Variants in SLC14A2 observed in about 807,000 individuals in gnomAD.
The protein encoded by SLC14A2 is solute carrier family 14 member 2, also known as urea transporter 2.
In SLC14A2, 91 loss-of-function variants were observed where a neutral mutation model predicts 104.6. The observed-to-expected ratio is 0.87, with a 90% CI of 0.73 to 1.04. The LOEUF (loss-of-function observed/expected upper bound fraction) is 1.04. Among genes scored for constraint, SLC14A2 ranks in the 50% least tolerant of loss-of-function variants. The pLI, the probability that SLC14A2 is intolerant of heterozygous loss-of-function variation, is 0.00. For missense variants in SLC14A2, 1,189 were observed against 1,156.0 expected, an observed-to-expected ratio of 1.03 and a Z score of -0.41; for synonymous variants, 476 against 466.4, an observed-to-expected ratio of 1.02 and a Z score of -0.27.
intron 1 of SLC14A2, among the ~76,000 whole-genome samples, chr18:45,389,327 A>G (rs940392135): frequency 6.6e-6 from 1 of 152,212 alleles, no homozygotes; most frequent in African/African-American, 2.4e-5. Flanking sequence ...AATATGGACT[A>G]CAGAATCCAT....
intron 1 of SLC14A2, among the ~76,000 whole-genome samples, chr18:45,339,205 C>T (rs1332035833): frequency 1.3e-5 from 2 of 152,136 alleles, no homozygotes; most frequent in African/African-American, 4.8e-5. Flanking sequence ...CTCAGGTGAT[C>T]TGCCCACCTC....
At chr18:45,608,419 G>T (rs1047094015) in intron 2 of SLC14A2, among the ~76,000 whole-genome samples, 1 of 152,200 alleles carries the variant, frequency 6.6e-6, no homozygotes, top group African/African-American at 2.4e-5. Flanking sequence ...GGATTAGGAG[G>T]ATTCTGTGCC....
intron 1 of SLC14A2, among the ~76,000 whole-genome samples, chr18:45,242,361 T>C (rs539972413): frequency 1.3e-5 from 2 of 152,284 alleles, no homozygotes; most frequent in East Asian, 3.9e-4. Flanking sequence ...AATTCAATAA[T>C]GTCACGTCAG....
intron 1 of SLC14A2, among the ~76,000 whole-genome samples, chr18:45,298,211 T>C (rs1441583725): frequency 6.6e-6 from 1 of 152,154 alleles, no homozygotes; most frequent in Non-Finnish European, 1.5e-5. Flanking sequence ...TTTAGGAAAA[T>C]GTGTTCCAGA....
At chr18:45,446,589 A>G (rs765214607) in intron 1 of SLC14A2, among the ~76,000 whole-genome samples, 3 of 152,370 alleles carry the variant, frequency 2.0e-5, no homozygotes, top group Admixed American at 2.0e-4. Flanking sequence ...CAATACAAAC[A>G]TGAAAAGCAG....
chr18:45,338,699 A>C (rs867480161), intron 1 of SLC14A2, among the ~76,000 whole-genome samples: 17,614 of 149,540 alleles, frequency 0.12, 1,464 homozygotes, highest in South Asian at 0.15. Flanking sequence ...AAAAAAAAAA[A>C]AAAAAAAAAA....
chr18:45,618,669 C>CAAAAAAA (rs60728655), intron 1 of SLC14A2, among the ~76,000 whole-genome samples: 6 of 50,690 alleles, frequency 1.2e-4, no homozygotes, highest in East Asian at 6.9e-4. Context: ...AACTCTGTCT[C>CAAAAAAA]AAAAAAAAAA....
At chr18:45,215,044 A>G (rs1310397412) in intron 1 of SLC14A2, among the ~76,000 whole-genome samples, 1 of 152,044 alleles carries the variant, frequency 6.6e-6, no homozygotes, top group Admixed American at 6.6e-5. Context: ...TGAGGACTGG[A>G]TGGTCAGGGA....
At chr18:45,250,416 C>T (rs1455002195) in intron 1 of SLC14A2, among the ~76,000 whole-genome samples, 3 of 151,974 alleles carry the variant, frequency 2.0e-5, no homozygotes, top group Non-Finnish European at 4.4e-5. Flanking sequence ...CTAATTCTTC[C>T]CCCCCTTATT....
chr18:45,609,770 T>C (rs888414170), intron 2 of SLC14A2, among the ~76,000 whole-genome samples: 2 of 152,230 alleles, frequency 1.3e-5, no homozygotes, highest in Non-Finnish European at 2.9e-5. Flanking sequence ...ACACTTTTAT[T>C]TCTGAAATTG....
chr18:45,583,039 G>T (rs1388091116), intron 2 of SLC14A2, among the ~76,000 whole-genome samples: 2 of 152,238 alleles, frequency 1.3e-5, no homozygotes, highest in Admixed American at 1.3e-4. Context: ...TTCAAGGTTA[G>T]ATGTTCTACA....
chr18:45,184,034 A>T, the SLC14A2 span, among the ~76,000 whole-genome samples: 1 of 144,032 alleles, frequency 6.9e-6, no homozygotes, highest in Admixed American at 7.4e-5. Context: ...GATTACAGGC[A>T]TGAGCCACCA....
At chr18:45,507,826 C>T (rs935970878) in intron 2 of SLC14A2, among the ~76,000 whole-genome samples, 3 of 152,302 alleles carry the variant, frequency 2.0e-5, no homozygotes, top group South Asian at 2.1e-4. Context: ...ATCAGACTCT[C>T]TTTGCTTACT....
chr18:45,527,327 G>C (rs1438592092), intron 2 of SLC14A2, among the ~76,000 whole-genome samples: 1 of 152,174 alleles, frequency 6.6e-6, no homozygotes, highest in East Asian at 1.9e-4. Context: ...ATGATTAGGA[G>C]TAAAGTTGCC....
rs146433297 is a variant in SLC14A2, at chr18:45,608,132, T to C, written c.-34-16499T>C. On this transcript the variant is annotated intron_variant, in intron 2 of 20. Transcript: ENST00000586448. ...TGAATCCCCTGTGACTGGTACATAA[T>C]AGGTGCTCACCAAATGCTTTTGAAT... Among the ~76,000 whole-genome samples, 806 of 152,374 alleles carry C rather than the reference T, an allele frequency of 5.3e-3. 8 individuals are homozygous for C. The highest frequency in any genetic ancestry group is 0.018 in the African/African-American group (758 of 41,594).
chr18:45,680,506 T>C (rs537913363), intron 19 of SLC14A2, among the ~76,000 whole-genome samples: 9 of 152,270 alleles, frequency 5.9e-5, no homozygotes, highest in African/African-American at 2.2e-4. Context: ...GAACAGGAAA[T>C]AAAAATGTTG....
At chr18:45,446,001 G>A (rs1272365574) in intron 1 of SLC14A2, among the ~76,000 whole-genome samples, 2 of 152,144 alleles carry the variant, frequency 1.3e-5, no homozygotes, top group Non-Finnish European at 1.5e-5. Flanking sequence ...CTTGGCTTTG[G>A]AGTCACTGGG....
intron 18 of SLC14A2, among the ~76,000 whole-genome samples, chr18:45,677,430 G>A (rs921838135): frequency 3.3e-5 from 5 of 152,160 alleles, no homozygotes; most frequent in Non-Finnish European, 2.9e-5. Context: ...AGATCTGAGA[G>A]GCTGATTAAG....
intron 1 of SLC14A2, among the ~76,000 whole-genome samples, chr18:45,399,285 C>G (rs890299111): frequency 8.5e-5 from 13 of 152,172 alleles, no homozygotes; most frequent in Non-Finnish European, 1.8e-4. Context: ...GGACTTTAGG[C>G]AACTGGGCAC....
Sources: gnomAD v4.1 joint callset for allele counts (sites outside exome capture counted in the v4.1 genomes callset) on GRCh38, gnomAD v4.1.1 for gene constraint, MANE v1.5 for transcripts, NCBI Gene and HGNC (gene_info 2026-07-23, HGNC 2026-07-21) for gene names.